Variants in ENTREP2 observed in about 807,000 individuals in gnomAD.
ENTREP2 encodes endosomal transmembrane epsin interactor 2, also known as protein ENTREP2.
chr15:29,430,784 C>A, the ENTREP2 span, among the ~76,000 whole-genome samples: 1 of 152,130 alleles, frequency 6.6e-6, no homozygotes, highest in African/African-American at 2.4e-5. Context: ...ATTTAATTAT[C>A]CTGGAGACCA....
the ENTREP2 span, among the ~76,000 whole-genome samples, chr15:29,221,240 C>T: frequency 7.9e-5 from 12 of 150,950 alleles, no homozygotes; most frequent in Admixed American, 3.3e-4. Flanking sequence ...CTAGCTCTGT[C>T]GCCCAGGCTG....
the ENTREP2 span, among the ~76,000 whole-genome samples, chr15:29,203,974 A>T: frequency 6.6e-6 from 1 of 152,224 alleles, no homozygotes; most frequent in African/African-American, 2.4e-5. Flanking sequence ...AGCATGATTT[A>T]TCAAATAAAA....
the ENTREP2 span, among the ~76,000 whole-genome samples, chr15:29,445,351 A>G: frequency 0.63 from 95,500 of 152,008 alleles, 30,017 homozygotes; most frequent in South Asian, 0.65. Flanking sequence ...ATGGGGGCTG[A>G]TTGCCAAGTG....
chr15:29,490,214 G>C, the ENTREP2 span, among the ~76,000 whole-genome samples: 3 of 152,096 alleles, frequency 2.0e-5, no homozygotes, highest in Admixed American at 6.5e-5. Context: ...TGTGGTGTTC[G>C]GACATGTTGG....
the ENTREP2 span, among the ~76,000 whole-genome samples, chr15:29,478,538 G>A: frequency 6.6e-6 from 1 of 152,070 alleles, no homozygotes; most frequent in Non-Finnish European, 1.5e-5. Flanking sequence ...GGAGGAGTTT[G>A]GATCATGGGG....
At chr15:29,443,742 G>A in the ENTREP2 span, among the ~76,000 whole-genome samples, 17,702 of 151,982 alleles carry the variant, frequency 0.12, 1,473 homozygotes, top group African/African-American at 0.23. Context: ...GGAGAGAGGG[G>A]TGCCCATGAG....
At chr15:29,159,404 G>A in the ENTREP2 span, among the ~76,000 whole-genome samples, 1 of 152,176 alleles carries the variant, frequency 6.6e-6, no homozygotes, top group South Asian at 2.1e-4. Context: ...ATTGCAAACA[G>A]CATAATAACA....
chr15:29,463,835 C>A, the ENTREP2 span, among the ~76,000 whole-genome samples: 1 of 152,094 alleles, frequency 6.6e-6, no homozygotes, highest in Non-Finnish European at 1.5e-5. Context: ...AACAGATATA[C>A]AAAATGTGGC....
chr15:29,168,053 TAAGTG>T, the ENTREP2 span, among the ~76,000 whole-genome samples: 7 of 152,220 alleles, frequency 4.6e-5, no homozygotes, highest in Non-Finnish European at 7.3e-5. Flanking sequence ...ACTCTTATTC[TAAGTG>T]AAGTAACTCA....
the ENTREP2 span, among the ~76,000 whole-genome samples, chr15:29,461,823 T>C: frequency 6.6e-6 from 1 of 152,152 alleles, no homozygotes; most frequent in Non-Finnish European, 1.5e-5. Flanking sequence ...TGAGTACATT[T>C]ACTGTGTTTG....
At chr15:29,211,771 G>T in the ENTREP2 span, among the ~76,000 whole-genome samples, 1 of 152,116 alleles carries the variant, frequency 6.6e-6, no homozygotes, top group Non-Finnish European at 1.5e-5. Context: ...TTTATGTGGT[G>T]TATCACATTT....
chr15:29,158,439 T>A, the ENTREP2 span, among the ~76,000 whole-genome samples: 5 of 147,264 alleles, frequency 3.4e-5, no homozygotes, highest in African/African-American at 1.3e-4. Context: ...GTAGTCTCAC[T>A]CTTTCGCCCA....
chr15:29,645,768 G>T, the ENTREP2 span, among the ~76,000 whole-genome samples: 3 of 151,968 alleles, frequency 2.0e-5, no homozygotes, highest in South Asian at 2.1e-4. Flanking sequence ...CACCATGTTA[G>T]CCAGAATGGT....
chr15:29,432,850 G>A, the ENTREP2 span, among the ~76,000 whole-genome samples: 75 of 152,106 alleles, frequency 4.9e-4, no homozygotes, highest in Non-Finnish European at 8.7e-4. Flanking sequence ...GGAGTTGGCC[G>A]GCTCCACTGC....
At chr15:29,523,908 T>C in the ENTREP2 span, among the ~76,000 whole-genome samples, 2 of 152,088 alleles carry the variant, frequency 1.3e-5, no homozygotes, top group African/African-American at 2.4e-5. Context: ...AAGACCTAAA[T>C]ATAAGAGGTA....
chr15:29,279,643 A>G, the ENTREP2 span, among the ~76,000 whole-genome samples: 13 of 152,234 alleles, frequency 8.5e-5, no homozygotes, highest in Middle Eastern at 3.4e-3. Flanking sequence ...GATTACAGGC[A>G]TGAGCCACCG....
the ENTREP2 span, among the ~76,000 whole-genome samples, chr15:29,607,857 G>T: frequency 1.7e-4 from 23 of 135,602 alleles, no homozygotes; most frequent in South Asian, 3.6e-3. Flanking sequence ...GATAGATATA[G>T]ATAGATAGAC....
the ENTREP2 span, chr15:29,269,799 G>T: frequency 1.6e-6 from 2 of 1,226,282 alleles, no homozygotes; most frequent in South Asian, 3.6e-5. Flanking sequence ...GTGCCTGGAG[G>T]CGCGCGCAGT....
the ENTREP2 span, among the ~76,000 whole-genome samples, chr15:29,177,470 T>C: frequency 6.6e-6 from 1 of 152,330 alleles, no homozygotes; most frequent in East Asian, 1.9e-4. Flanking sequence ...TTCAGGAATA[T>C]ATTCTTTGCT....
Sources: allele counts gnomAD v4.1 joint callset (sites outside exome capture counted in the v4.1 genomes callset), GRCh38; gene constraint gnomAD v4.1.1; transcripts MANE v1.5; gene names NCBI Gene and HGNC (gene_info 2026-07-23, HGNC 2026-07-21).